Variants in SLC4A1AP observed in about 807,000 individuals in gnomAD.
SLC4A1AP encodes the protein kanadaptin.
SLC4A1AP carries 64 observed loss-of-function variants against 89.7 expected under a neutral mutation model. The ratio of observed to expected loss-of-function variants is 0.71; its 90% confidence interval spans 0.58 to 0.88. The LOEUF (loss-of-function observed/expected upper bound fraction) is 0.88, where lower values mean the gene tolerates loss of function less well. Ranked by LOEUF, SLC4A1AP falls within the 40% of genes least tolerant of loss-of-function variation. The probability of loss-of-function intolerance (pLI) is 0.00; values close to 1 mark genes in which losing one functional copy is unlikely to be tolerated. For synonymous variants in SLC4A1AP, 366 were observed against 353.3 expected, an observed-to-expected ratio of 1.04 and a Z score of -0.40; for missense variants, 931 against 965.0, an observed-to-expected ratio of 0.96 and a Z score of 0.47.
At chr2:27,666,352 A>ACCCC (rs1215773185) in intron 2 of SLC4A1AP, among the ~76,000 whole-genome samples, 5 of 3,418 alleles carry the variant, frequency 1.5e-3, no homozygotes, top group Non-Finnish European at 2.7e-3. Flanking sequence ...CTTGTGATCC[A>ACCCC]CCCCCCACCC....
intron 2 of SLC4A1AP, among the ~76,000 whole-genome samples, chr2:27,666,873 T>TA (rs1675337497): frequency 2.9e-4 from 8 of 28,030 alleles, no homozygotes; most frequent in African/African-American, 8.8e-4. Flanking sequence ...ATATATATAT[T>TA]TTTTTTTTTT....
intron 5 of SLC4A1AP, among the ~76,000 whole-genome samples, chr2:27,670,707 A>AG (rs1232880940): frequency 6.6e-6 from 1 of 151,548 alleles, no homozygotes; most frequent in Non-Finnish European, 1.5e-5. Context: ...ATACAAAAAA[A>AG]AAAATCAGTT....
chr2:27,668,883 C>T (rs771515605), exon 4 of SLC4A1AP: 40 of 1,613,976 alleles, frequency 2.5e-5, no homozygotes, highest in Non-Finnish European at 3.1e-5. Flanking sequence ...AGGGACATAG[C>T]ACTTGGCTCT....
At chr2:27,672,362 C>T (rs1033760615) in intron 5 of SLC4A1AP, among the ~76,000 whole-genome samples, 93 of 151,752 alleles carry the variant, frequency 6.1e-4, no homozygotes, top group African/African-American at 2.2e-3. Context: ...CTTTATCTTT[C>T]TGTCTTCTCT....
At chr2:27,664,113 C>T (rs939278191) in exon 1 of SLC4A1AP, 12 of 1,614,216 alleles carry the variant, frequency 7.4e-6, no homozygotes, top group Non-Finnish European at 9.3e-6. Context: ...CATCCCTCCT[C>T]CTCAGCCGGA....
chr2:27,669,466 G>C, intron 5 of SLC4A1AP, 79 bp downstream of exon 5: 1 of 1,322,194 alleles, frequency 7.6e-7, no homozygotes, highest in East Asian at 2.5e-5. Flanking sequence ...CTTCTTTATG[G>C]GGGGAAAATG....
chr2:27,677,969 T>C (rs1187840598), intron 8 of SLC4A1AP, 45 bp downstream of exon 8: 8 of 1,255,896 alleles, frequency 6.4e-6, no homozygotes, highest in Non-Finnish European at 5.5e-6. Flanking sequence ...TATGGTAGCA[T>C]AGATAACATT....
chr2:27,683,674 A>G (rs1675656966), intron 9 of SLC4A1AP, among the ~76,000 whole-genome samples: 1 of 152,188 alleles, frequency 6.6e-6, no homozygotes, highest in Non-Finnish European at 1.5e-5. Context: ...AATTCGTCCA[A>G]AACACCCTGA....
chr2:27,670,494 ACC>A (rs1661986398), intron 5 of SLC4A1AP, among the ~76,000 whole-genome samples: 1 of 151,998 alleles, frequency 6.6e-6, no homozygotes, highest in Admixed American at 6.6e-5. Context: ...TCCTTGCCCT[ACC>A]CATCCTCAGT....
Position 27,677,778 on chromosome 2 carries a change from CA to C in SLC4A1AP, c.1618del (p.Met540CysfsTer4). 2 of 1,612,614 alleles carry C rather than the reference CA, an allele frequency of 1.2e-6. No individual in the cohort carries two copies. Among genetic ancestry groups the C allele is most frequent in the Non-Finnish European group, 1.7e-6 (2 of 1,179,552 alleles). Reference sequence around the variant, plus strand: ...CATCTCAGGATTCTTTAGATGCGTTCATGTCAGAAATGAAATCAGGCAGTAC... The same window carrying C: ...CATCTCAGGATTCTTTAGATGCGTTCTGTCAGAAATGAAATCAGGCAGTAC... On this transcript the variant is annotated frameshift_variant, in exon 8 of 14. Transcript: ENST00000613058. LOFTEE classifies it high-confidence loss of function.
chr2:27,674,703 T>A (rs1163823689), intron 5 of SLC4A1AP, among the ~76,000 whole-genome samples: 1 of 151,760 alleles, frequency 6.6e-6, no homozygotes, highest in African/African-American at 2.4e-5. Flanking sequence ...TTTTCCTTTT[T>A]TCCTCATTGA....
intron 5 of SLC4A1AP, among the ~76,000 whole-genome samples, chr2:27,673,990 TTGTGTGTGTG>T (rs56759152): frequency 0.036 from 5,398 of 148,634 alleles, 324 homozygotes; most frequent in African/African-American, 0.13. Context: ...CATATACAAG[TTGTGTGTGTG>T]TGTGTGTGTG....
intron 5 of SLC4A1AP, among the ~76,000 whole-genome samples, chr2:27,673,359 C>A (rs192052029): frequency 1.4e-5 from 2 of 145,432 alleles, no homozygotes; most frequent in Non-Finnish European, 3.0e-5. Context: ...TTCTTTTCCT[C>A]CTTTCCCTCC....
chr2:27,689,654 T>TG (rs1675757008), intron 12 of SLC4A1AP, among the ~76,000 whole-genome samples: 1 of 152,210 alleles, frequency 6.6e-6, no homozygotes, highest in African/African-American at 2.4e-5. Flanking sequence ...AGGCATTCCC[T>TG]GCCTGGCATC....
intron 5 of SLC4A1AP, among the ~76,000 whole-genome samples, chr2:27,674,021 TGTG>T (rs1675474746): frequency 2.0e-5 from 3 of 151,430 alleles, no homozygotes; most frequent in Non-Finnish European, 4.4e-5. Flanking sequence ...TGTGTGTGTG[TGTG>T]TGTGTGTCTG....
intron 10 of SLC4A1AP, among the ~76,000 whole-genome samples, chr2:27,685,656 T>C (rs1675693260): frequency 6.6e-6 from 1 of 152,160 alleles, no homozygotes; most frequent in Non-Finnish European, 1.5e-5. Context: ...ATTCATTTTT[T>C]CCTCCATCCC....
intron 5 of SLC4A1AP, among the ~76,000 whole-genome samples, chr2:27,670,476 A>G (rs1015432460): frequency 2.0e-5 from 3 of 152,146 alleles, no homozygotes; most frequent in South Asian, 2.1e-4. Flanking sequence ...ATAATAAAAT[A>G]TACTTGTTCC....
At chr2:27,665,377 C>A (rs1056557250) in intron 2 of SLC4A1AP, 82 bp downstream of exon 2, 31 of 1,242,484 alleles carry the variant, frequency 2.5e-5, no homozygotes, top group South Asian at 3.2e-5. Flanking sequence ...TTAAATCATA[C>A]AGCTTTTCAT....
At chr2:27,670,088 C>A (rs1363732676) in intron 5 of SLC4A1AP, among the ~76,000 whole-genome samples, 1 of 152,136 alleles carries the variant, frequency 6.6e-6, no homozygotes, top group African/African-American at 2.4e-5. Context: ...GTCTCGAACT[C>A]CCAACCTCAG....
Sources: allele counts gnomAD v4.1 joint callset (sites outside exome capture counted in the v4.1 genomes callset), GRCh38; gene constraint gnomAD v4.1.1; transcripts MANE v1.5; gene names NCBI Gene and HGNC (gene_info 2026-07-23, HGNC 2026-07-21).